MMS22L: variants seen among roughly 807,000 people sequenced by gnomAD.
MMS22L encodes protein MMS22-like.
MMS22L carries 74 observed loss-of-function variants against 159.1 expected under a neutral mutation model. That is an observed-to-expected ratio of 0.47 (90% CI 0.39 to 0.56). The LOEUF (loss-of-function observed/expected upper bound fraction) is 0.56. MMS22L is among the 20% of genes least tolerant of loss of function. MMS22L has a pLI of 0.00. For missense variants in MMS22L, 1,351 were observed against 1,422.1 expected, an observed-to-expected ratio of 0.95 and a Z score of 0.80; for synonymous variants, 517 against 506.9, an observed-to-expected ratio of 1.02 and a Z score of -0.27.
At position 97,162,059 on chromosome 6, in the gene MMS22L, C is replaced by T; in HGVS notation, c.3328G>A (p.Val1110Ile). 2 of 1,612,238 alleles carry T rather than the reference C, an allele frequency of 1.2e-6. No homozygotes were observed. The highest frequency in any genetic ancestry group is 1.7e-6 in the Non-Finnish European group (2 of 1,179,088). The change falls in exon 22 of 25, where the codon GTT becomes ATT. Residue 1110 changes from valine (V) to isoleucine (I), a missense_variant. Coordinates refer to ENST00000683635, the MANE Select transcript of MMS22L (RefSeq NM_001350599.2). The part of the protein sequence containing the change: ...FKETNTDIYE[V>I]ELLLPGILKC... ...AAAATGCCAGGGAGGAGTAGTTCAA[C>T]TTCATAAATGTCTGTGTTAGTTTCC...
chr6:97,203,544 C>A (rs1807413376), intron 14 of MMS22L, among the ~76,000 whole-genome samples: 1 of 152,204 alleles, frequency 6.6e-6, no homozygotes, highest in South Asian at 2.1e-4. Flanking sequence ...ACCAGATAAG[C>A]TGCAGAACCA....
Position 97,168,127 on chromosome 6 carries a change from C to T in MMS22L, c.2953G>A (p.Glu985Lys). ...LPHAVLQQEK[E>K]LPAPMLSAIQ... is the part of the protein sequence containing the mutation. ...GCTGACAACATAGGTGCAGGCAGTTCCTTCTCTTGCTGTAATACTGCATGT... is the reference window on the plus strand; with the variant it reads ...GCTGACAACATAGGTGCAGGCAGTTTCTTCTCTTGCTGTAATACTGCATGT... The change falls in exon 20 of 25, where the codon GAA becomes AAA. Residue 985 changes from glutamate to lysine, a missense_variant. Physicochemically the swap from Glu to Lys is moderately conservative, Grantham distance 56 (BLOSUM62 1). Coordinates refer to ENST00000683635, the MANE Select transcript of MMS22L (RefSeq NM_001350599.2). The T allele has an allele frequency of 1.9e-6, 3 of 1,613,030 alleles. No individual in the cohort carries two copies. Among genetic ancestry groups the T allele is most frequent in the South Asian group, 2.2e-5 (2 of 91,006 alleles).
At chr6:97,248,014 T>A (rs746450850) in intron 10 of MMS22L, among the ~76,000 whole-genome samples, 1 of 152,192 alleles carries the variant, frequency 6.6e-6, no homozygotes, top group Admixed American at 6.5e-5. Context: ...CCAGTGACCT[T>A]TGTCTCCTGG....
chr6:97,169,756 A>G (rs1803331105), intron 19 of MMS22L, among the ~76,000 whole-genome samples: 1 of 152,212 alleles, frequency 6.6e-6, no homozygotes, highest in Admixed American at 6.5e-5. Flanking sequence ...TTCTAAAAAC[A>G]TTAATATACC....
chr6:97,187,703 G>A (rs1805399809), intron 14 of MMS22L, among the ~76,000 whole-genome samples: 1 of 152,032 alleles, frequency 6.6e-6, no homozygotes, highest in Non-Finnish European at 1.5e-5. Flanking sequence ...GATGTTTGAT[G>A]TTTTTAAACA....
chr6:97,182,131 A>G (rs910248535), intron 15 of MMS22L, 77 bp from the exon 16 acceptor site: 40 of 1,177,860 alleles, frequency 3.4e-5, no homozygotes, highest in Admixed American at 2.0e-4. Context: ...CTGGCCAATT[A>G]TAACAAGTGT....
intron 14 of MMS22L, among the ~76,000 whole-genome samples, chr6:97,225,317 C>T (rs777600345): frequency 4.6e-5 from 7 of 151,740 alleles, no homozygotes; most frequent in Non-Finnish European, 8.8e-5. Context: ...GTCTAATACG[C>T]CTATTACCAA....
intron 14 of MMS22L, among the ~76,000 whole-genome samples, chr6:97,201,762 A>G (rs866060314): frequency 6.6e-5 from 10 of 152,340 alleles, no homozygotes; most frequent in Admixed American, 3.3e-4. Context: ...CACCACCAAT[A>G]GCCTTTATCT....
intron 11 of MMS22L, chr6:97,245,884 CACACACAT>C (rs748899744): frequency 0.049 from 9,820 of 198,830 alleles, 795 homozygotes; most frequent in African/African-American, 0.076. Flanking sequence ...CACACACACA[CACACACAT>C]ATAAAGCAAT....
chr6:97,265,875 C>A (rs1019897523), intron 8 of MMS22L: 1 of 152,118 alleles, frequency 6.6e-6, no homozygotes, highest in African/African-American at 2.4e-5. Flanking sequence ...GCACGCACCA[C>A]CATGCCCGGC....
At chr6:97,196,399 CA>C (rs1270961142) in intron 14 of MMS22L, among the ~76,000 whole-genome samples, 1 of 152,140 alleles carries the variant, frequency 6.6e-6, no homozygotes, top group Admixed American at 6.6e-5. Flanking sequence ...AAGGGATTCA[CA>C]AACAGTGTGG....
chr6:97,151,842 C>A lies in MMS22L; in HGVS notation c.3411G>T (p.Leu1137=). ...CTTGGCAGGCTTTTACCATGTATTGCAGGTTCTCTGTGGCCAGCCTTTTAA... is the reference window on the plus strand; with the variant it reads ...CTTGGCAGGCTTTTACCATGTATTGAAGGTTCTCTGTGGCCAGCCTTTTAA... The part of the protein sequence containing the change: ...PQVKRLATEN[L]QYMVKACQVG... Residue 1137 remains leucine, a synonymous_variant, in exon 23 of 25, where the codon CTG becomes CTT. Transcript: ENST00000683635. 5 of 1,613,590 alleles carry A rather than the reference C, an allele frequency of 3.1e-6. No individual in the cohort carries two copies. Among genetic ancestry groups the A allele is most frequent in the Non-Finnish European group, 4.2e-6 (5 of 1,179,638 alleles).
At chr6:97,258,313 T>C (rs1814052167) in intron 9 of MMS22L, among the ~76,000 whole-genome samples, 1 of 152,228 alleles carries the variant, frequency 6.6e-6, no homozygotes, top group Non-Finnish European at 1.5e-5. Context: ...CCTTAGTTTC[T>C]GGTACAAGAT....
At chr6:97,273,391 C>G (rs1815949995) in intron 4 of MMS22L, among the ~76,000 whole-genome samples, 1 of 152,092 alleles carries the variant, frequency 6.6e-6, no homozygotes, top group African/African-American at 2.4e-5. Context: ...TTATTGGCTC[C>G]TCCTCCTCAA....
At chr6:97,171,872 A>T (rs143968939) in intron 19 of MMS22L, among the ~76,000 whole-genome samples, 119 of 152,298 alleles carry the variant, frequency 7.8e-4, no homozygotes, top group African/African-American at 2.7e-3. Flanking sequence ...ATCCTTTAAC[A>T]TGAAGAAATC....
chr6:97,255,780 A>ATC (rs10653598), intron 9 of MMS22L, among the ~76,000 whole-genome samples: 98,837 of 151,728 alleles, frequency 0.65, 33,526 homozygotes, highest in Non-Finnish European at 0.76. Flanking sequence ...TCTCCTTGAA[A>ATC]ATCTGTCCAT....
At chr6:97,186,390 C>A in intron 15 of MMS22L, 107 bp downstream of exon 15, 1 of 813,122 alleles carries the variant, frequency 1.2e-6, no homozygotes, top group Non-Finnish European at 1.8e-6. Flanking sequence ...ATCTTTCTGG[C>A]TGACAAAATG....
At chr6:97,243,316 T>C (rs999010699) in intron 11 of MMS22L, among the ~76,000 whole-genome samples, 4 of 152,238 alleles carry the variant, frequency 2.6e-5, no homozygotes, top group Non-Finnish European at 5.9e-5. Context: ...TGGATTAATT[T>C]GAAAACCTTG....
chr6:97,283,291 C>T (rs944760701), upstream of MMS22L: 2 of 152,074 alleles, frequency 1.3e-5, no homozygotes, highest in Admixed American at 6.5e-5. Flanking sequence ...CGGAGCCCCA[C>T]GAATTCTCGC....
Sources: allele counts gnomAD v4.1 joint callset (sites outside exome capture counted in the v4.1 genomes callset), GRCh38; gene constraint gnomAD v4.1.1; transcripts MANE v1.5; gene names NCBI Gene and HGNC (gene_info 2026-07-23, HGNC 2026-07-21).